The following GSTCD variants were observed in gnomAD, a reference collection of about 807,000 sequenced individuals.
GSTCD encodes glutathione S-transferase C-terminal domain containing, also known as glutathione S-transferase C-terminal domain-containing protein.
GSTCD carries 44 observed loss-of-function variants against 68.3 expected under a neutral mutation model. The ratio of observed to expected loss-of-function variants is 0.64; its 90% CI spans 0.51 to 0.83. The LOEUF (loss-of-function observed/expected upper bound fraction) is 0.83, where lower values mean the gene tolerates loss of function less well. GSTCD is among the 40% of genes least tolerant of loss of function. The pLI is 0.00. For missense variants in GSTCD, 739 were observed against 735.9 expected, an observed-to-expected ratio of 1.00 and a Z score of -0.05; for synonymous variants, 273 against 255.2, an observed-to-expected ratio of 1.07 and a Z score of -0.67.
rs1732733938 is a variant in GSTCD, at chr4:105,717,932, G to A, written c.319G>A (p.Val107Ile). 1.9e-6 allele frequency: 3 copies of A among 1,613,998 alleles called. No individual in the cohort carries two copies. Among genetic ancestry groups the A allele is most frequent in the East Asian group, 4.5e-5 (2 of 44,878 alleles). Residue 107 changes from valine (V) to isoleucine (I), a missense_variant, in exon 2 of 12, where the codon GTT (valine) becomes ATT (isoleucine). Physicochemically the swap from Val to Ile is conservative, Grantham distance 29 (BLOSUM62 3). Transcript: ENST00000515279. ...CAATTTTTGTAGAGCAGGACTTGCT[G>A]TTGTATTGAGACACATAATCCAGAA... ...SDNFCRAGLA[V>I]VLRHIIQKSY...
At chr4:105,760,996 A>ATTTTTTTTTTT (rs35581423) in intron 5 of GSTCD, 35 of 174,956 alleles carry the variant, frequency 2.0e-4, no homozygotes, top group Admixed American at 6.2e-4. Flanking sequence ...TCCTTTTTTA[A>ATTTTTTTTTTT]TTTTTTTTTT....
intron 5 of GSTCD, among the ~76,000 whole-genome samples, chr4:105,819,029 G>A (rs1394195760): frequency 6.6e-6 from 1 of 151,672 alleles, no homozygotes. Flanking sequence ...AATTAACAGT[G>A]CTGTCTATTC....
chr4:105,791,698 A>C (rs1439082774), intron 5 of GSTCD, among the ~76,000 whole-genome samples: 2 of 152,090 alleles, frequency 1.3e-5, no homozygotes, highest in Non-Finnish European at 2.9e-5. Context: ...CACTTTTTCC[A>C]TCTCATTCAC....
intron 10 of GSTCD, 50 bp downstream of exon 10, chr4:105,837,939 A>G (rs964369019): frequency 1.8e-5 from 13 of 736,022 alleles, no homozygotes; most frequent in Non-Finnish European, 2.8e-5. Context: ...TTTATCCTTT[A>G]TATTTTTCCC....
At chr4:105,824,927 C>T (rs555364754) in intron 7 of GSTCD, among the ~76,000 whole-genome samples, 4 of 152,200 alleles carry the variant, frequency 2.6e-5, no homozygotes, top group South Asian at 2.1e-4. Context: ...CCCCCCAAAC[C>T]GATTTGTATT....
chr4:105,751,012 G>A (rs1031855169), intron 5 of GSTCD, among the ~76,000 whole-genome samples: 2 of 152,186 alleles, frequency 1.3e-5, no homozygotes, highest in Non-Finnish European at 2.9e-5. Context: ...GTCCCTTGTG[G>A]AGAGGGGTTT....
At chr4:105,831,660 G>T (rs1238663802) in intron 8 of GSTCD, among the ~76,000 whole-genome samples, 1 of 152,050 alleles carries the variant, frequency 6.6e-6, no homozygotes, top group Non-Finnish European at 1.5e-5. Flanking sequence ...CTTTTTAGAA[G>T]TTTGTTATAT....
chr4:105,713,963 C>G (rs1386829560), intron 1 of GSTCD, among the ~76,000 whole-genome samples: 1 of 150,910 alleles, frequency 6.6e-6, no homozygotes, highest in Non-Finnish European at 1.5e-5. Context: ...AATATGTTTA[C>G]TGTTTATCTC....
At chr4:105,829,680 T>A (rs1723817284) in intron 8 of GSTCD, among the ~76,000 whole-genome samples, 1 of 152,048 alleles carries the variant, frequency 6.6e-6, no homozygotes, top group Admixed American at 6.6e-5. Flanking sequence ...TTCCATGACA[T>A]GTGGGAAATA....
intron 1 of GSTCD, among the ~76,000 whole-genome samples, chr4:105,713,344 G>A (rs190326945): frequency 6.6e-6 from 1 of 152,242 alleles, no homozygotes. Flanking sequence ...ATCCAGTGCA[G>A]AAACTTGTCA....
intron 5 of GSTCD, among the ~76,000 whole-genome samples, chr4:105,757,875 T>C (rs1421672315): frequency 6.6e-6 from 1 of 152,164 alleles, no homozygotes; most frequent in Non-Finnish European, 1.5e-5. Flanking sequence ...ATGAACCATT[T>C]CCTCCTTTTT....
At chr4:105,743,227 G>C (rs1259071103) in intron 5 of GSTCD, among the ~76,000 whole-genome samples, 1 of 151,976 alleles carries the variant, frequency 6.6e-6, no homozygotes, top group Non-Finnish European at 1.5e-5. Context: ...TGGGATTACA[G>C]GCATGACCCA....
At chr4:105,729,053 T>C (rs1733139773) in intron 4 of GSTCD, among the ~76,000 whole-genome samples, 1 of 152,156 alleles carries the variant, frequency 6.6e-6, no homozygotes, top group Non-Finnish European at 1.5e-5. Flanking sequence ...CTTTTTTTAT[T>C]ATTTCTATGT....
At chr4:105,753,783 A>T (rs2149229309) in intron 5 of GSTCD, among the ~76,000 whole-genome samples, 1 of 152,092 alleles carries the variant, frequency 6.6e-6, no homozygotes, top group South Asian at 2.1e-4. Context: ...CCTGAAGTTG[A>T]TTTCTGTTTA....
chr4:105,733,115 G>A (rs951865117), intron 5 of GSTCD, among the ~76,000 whole-genome samples: 1 of 152,144 alleles, frequency 6.6e-6, no homozygotes, highest in Admixed American at 6.6e-5. Context: ...CAACTATGTG[G>A]TCAATTTTGG....
chr4:105,752,835 G>A (rs1734053100), intron 5 of GSTCD, among the ~76,000 whole-genome samples: 1 of 151,920 alleles, frequency 6.6e-6, no homozygotes, highest in African/African-American at 2.4e-5. Flanking sequence ...TGCTTCAAAG[G>A]CTAAAACAGG....
chr4:105,802,341 C>T (rs1676896949), intron 5 of GSTCD, among the ~76,000 whole-genome samples: 1 of 152,032 alleles, frequency 6.6e-6, no homozygotes, highest in Non-Finnish European at 1.5e-5. Flanking sequence ...CTGAGGCCAG[C>T]CTCTTTTCTA....
intron 9 of GSTCD, among the ~76,000 whole-genome samples, chr4:105,837,607 A>G (rs1724175604): frequency 6.6e-6 from 1 of 152,196 alleles, no homozygotes; most frequent in Non-Finnish European, 1.5e-5. Context: ...CCCATGAGGG[A>G]TAGAGACAAA....
chr4:105,784,624 G>A (rs1304689041), intron 5 of GSTCD, among the ~76,000 whole-genome samples: 1 of 152,170 alleles, frequency 6.6e-6, no homozygotes, highest in East Asian at 1.9e-4. Flanking sequence ...TTGCAAAATT[G>A]TGACTTTCTA....
Sources: gnomAD v4.1 joint callset for allele counts (sites outside exome capture counted in the v4.1 genomes callset) on GRCh38, gnomAD v4.1.1 for gene constraint, MANE v1.5 for transcripts, NCBI Gene and HGNC (gene_info 2026-07-23, HGNC 2026-07-21) for gene names.